Variants in CSMD3 observed in about 807,000 individuals in gnomAD.
CSMD3 encodes the protein CUB and sushi domain-containing protein 3.
CSMD3 carries 177 observed loss-of-function variants against 435.2 expected under a neutral mutation model. The ratio of observed to expected loss-of-function variants is 0.41; its 90% CI spans 0.36 to 0.46. CSMD3 has a LOEUF of 0.46. Among genes scored for constraint, CSMD3 ranks in the 20% least tolerant of loss-of-function variants. The pLI, the probability that CSMD3 is intolerant of heterozygous loss-of-function variation, is 0.34. For synonymous variants in CSMD3, 1,656 were observed against 1,520.5 expected (o/e 1.09, Z -2.07); for missense variants, 4,265 against 4,504.6 (o/e 0.95, Z 1.52).
intron 45 of CSMD3, among the ~76,000 whole-genome samples, chr8:112,329,099 G>A (rs1394368296): frequency 5.3e-5 from 8 of 152,088 alleles, no homozygotes; most frequent in Non-Finnish European, 1.0e-4. Context: ...CATGCAGACA[G>A]CTAATTTAAG....
At chr8:112,897,471 A>C (rs2130392200) in intron 10 of CSMD3, among the ~76,000 whole-genome samples, 1 of 151,426 alleles carries the variant, frequency 6.6e-6, no homozygotes, top group Admixed American at 6.6e-5. Context: ...TACCTGTATG[A>C]TTCTATTTGT....
At chr8:113,357,603 T>C (rs1391141037) in intron 1 of CSMD3, among the ~76,000 whole-genome samples, 2 of 152,206 alleles carry the variant, frequency 1.3e-5, no homozygotes, top group Non-Finnish European at 2.9e-5. Flanking sequence ...GTTTTATATA[T>C]TATTGTCTTC....
At chr8:112,907,962 C>T (rs992813677) in intron 10 of CSMD3, among the ~76,000 whole-genome samples, 1 of 151,232 alleles carries the variant, frequency 6.6e-6, no homozygotes, top group Non-Finnish European at 1.5e-5. Context: ...AAATTTTCAG[C>T]TAGATGAGAT....
chr8:112,324,832 A>T (rs532247907), intron 45 of CSMD3, among the ~76,000 whole-genome samples: 1 of 152,252 alleles, frequency 6.6e-6, no homozygotes, highest in East Asian at 1.9e-4. Context: ...AAGCACACAC[A>T]CAATTGGAAG....
At chr8:113,351,702 T>G (rs2094191564) in intron 1 of CSMD3, among the ~76,000 whole-genome samples, 1 of 152,132 alleles carries the variant, frequency 6.6e-6, no homozygotes, top group Non-Finnish European at 1.5e-5. Flanking sequence ...GCAGATATTA[T>G]CTAGTTTAAG....
chr8:112,340,961 A>C (rs1325326842), intron 42 of CSMD3, among the ~76,000 whole-genome samples: 3 of 152,112 alleles, frequency 2.0e-5, no homozygotes, highest in Admixed American at 6.6e-5. Flanking sequence ...ATCTTGCTCA[A>C]GGTCATGCAG....
At chr8:113,337,772 T>A (rs906786202) in intron 1 of CSMD3, among the ~76,000 whole-genome samples, 1 of 151,978 alleles carries the variant, frequency 6.6e-6, no homozygotes, top group African/African-American at 2.4e-5. Flanking sequence ...AGATCTATTG[T>A]ATAACATGGT....
At chr8:113,024,483 T>C (rs2086800351) in intron 5 of CSMD3, among the ~76,000 whole-genome samples, 1 of 152,190 alleles carries the variant, frequency 6.6e-6, no homozygotes, top group Non-Finnish European at 1.5e-5. Flanking sequence ...GTAGTAGTAT[T>C]GCTGGGTCAT....
intron 1 of CSMD3, among the ~76,000 whole-genome samples, chr8:113,328,990 C>G (rs895851763): frequency 6.6e-6 from 1 of 151,452 alleles, no homozygotes; most frequent in African/African-American, 2.4e-5. Context: ...GATCCGTCCA[C>G]CTCAGCCTCC....
At chr8:112,785,293 A>G in intron 13 of CSMD3, among the ~76,000 whole-genome samples, 1 of 152,074 alleles carries the variant, frequency 6.6e-6, no homozygotes, top group Non-Finnish European at 1.5e-5. Context: ...ACAGACACAC[A>G]GGTAGTATAA....
chr8:112,682,372 G>A, intron 16 of CSMD3, 70 bp downstream of exon 16: 4 of 1,059,870 alleles, frequency 3.8e-6, no homozygotes, highest in South Asian at 1.3e-5. Context: ...GTAGGATAAT[G>A]TGTTTCTTGT....
chr8:112,421,547 G>GAT (rs1389618939), intron 32 of CSMD3, among the ~76,000 whole-genome samples: 41 of 61,986 alleles, frequency 6.6e-4, no homozygotes, highest in South Asian at 2.2e-3. Context: ...CCCTGTAAAA[G>GAT]ATATATATAT....
chr8:112,316,439 C>CA (rs541216607), intron 47 of CSMD3, among the ~76,000 whole-genome samples: 610 of 149,838 alleles, frequency 4.1e-3, no homozygotes, highest in Non-Finnish European at 6.3e-3. Context: ...AGTCAAAGGC[C>CA]AAAAAAAAGT....
chr8:112,479,652 T>C (rs1819436185), intron 31 of CSMD3, among the ~76,000 whole-genome samples: 1 of 152,104 alleles, frequency 6.6e-6, no homozygotes, highest in African/African-American at 2.4e-5. Context: ...AGGCCACAGC[T>C]CTGTAAAGTG....
rs370457034 is a variant in CSMD3 at position 112,999,824 on chromosome 8, GA to G, written c.1030+19242del. Among the ~76,000 whole-genome samples, 1,031 of 150,208 alleles carry G rather than the reference GA, an allele frequency of 6.9e-3. 12 individuals are homozygous for G. Among genetic ancestry groups the G allele is most frequent in the African/African-American group, 0.024 (977 of 41,082 alleles). ...TTAAACATTTGTCCTGAATAAATGA[GA>G]AAAAAAAAGGTCATTTGCTGATATG... On this transcript the variant is annotated intron_variant, in intron 6 of 70. Transcript: ENST00000297405.
chr8:113,399,415 T>C (rs1386511204), intron 1 of CSMD3, among the ~76,000 whole-genome samples: 1 of 151,602 alleles, frequency 6.6e-6, no homozygotes, highest in Non-Finnish European at 1.5e-5. Context: ...AGTAGAACCA[T>C]CCAAATGTTC....
At chr8:113,028,088 T>A (rs2086944149) in intron 5 of CSMD3, among the ~76,000 whole-genome samples, 2 of 152,146 alleles carry the variant, frequency 1.3e-5, no homozygotes, top group African/African-American at 4.8e-5. Flanking sequence ...ATTGGGCAAG[T>A]GGCATTTTTC....
Position 112,254,241 on chromosome 8 carries a change from T to C in CSMD3, c.10110+12A>G. 6.2e-7 allele frequency: 1 copy of C among 1,601,162 alleles called. No individual in the cohort carries two copies. The highest frequency in any genetic ancestry group is 1.1e-5 in the South Asian group (1 of 90,804). On this transcript the variant is annotated intron_variant, in intron 63 of 70. Coordinates refer to ENST00000297405, the MANE Select transcript of CSMD3 (RefSeq NM_198123.2). ...TAGTATGATGCTAAATGGACATAGC[T>C]AAAGTACCCACTTGAAATCCGAATG...
chr8:112,842,190 T>C (rs1018144101), intron 11 of CSMD3, among the ~76,000 whole-genome samples: 11 of 151,794 alleles, frequency 7.2e-5, no homozygotes, highest in African/African-American at 2.7e-4. Flanking sequence ...ATGGCCCCAC[T>C]AACTCTAAGG....
Sources: gnomAD v4.1 joint callset for allele counts (sites outside exome capture counted in the v4.1 genomes callset) on GRCh38, gnomAD v4.1.1 for gene constraint, MANE v1.5 for transcripts, NCBI Gene and HGNC (gene_info 2026-07-23, HGNC 2026-07-21) for gene names.